Variants in ANK3 observed in about 807,000 individuals in gnomAD.
ANK3 encodes the protein ankyrin-3.
ANK3 carries 57 observed loss-of-function variants against 370.9 expected under a neutral mutation model. The observed-to-expected ratio is 0.15, with a 90% CI of 0.12 to 0.19. ANK3 has a LOEUF of 0.19. Ranked by LOEUF, ANK3 falls within the 10% of genes least tolerant of loss-of-function variation. ANK3 has a pLI of 1.00. For synonymous variants in ANK3, 1,929 were observed against 1,946.3 expected (o/e 0.99, Z 0.23); for missense variants, 4,439 against 5,302.1 (o/e 0.84, Z 5.06).
chr10:60,341,239 C>G (rs888533218), intron 1 of ANK3, among the ~76,000 whole-genome samples: 1 of 152,096 alleles, frequency 6.6e-6, no homozygotes, highest in East Asian at 1.9e-4. Context: ...TGAATCAAAG[C>G]CAGTAGGGAG....
At chr10:60,043,473 A>G in intron 42 of ANK3, 3 of 984,330 alleles carry the variant, frequency 3.0e-6, no homozygotes, top group Non-Finnish European at 3.6e-6. Context: ...AAAAATAACC[A>G]GAGATGTTTT....
chr10:60,145,899 A>C (rs1206821383), intron 23 of ANK3: 2 of 699,982 alleles, frequency 2.9e-6, no homozygotes, highest in African/African-American at 1.8e-5. Context: ...TGTGGAATGA[A>C]TGAAAGAGCA....
At chr10:60,324,601 T>A (rs574585169) in intron 1 of ANK3, among the ~76,000 whole-genome samples, 2 of 152,238 alleles carry the variant, frequency 1.3e-5, no homozygotes, top group South Asian at 4.1e-4. Context: ...AAATGGCCAG[T>A]CAGCTGCAGT....
intron 1 of ANK3, among the ~76,000 whole-genome samples, chr10:60,347,674 A>C (rs2055906699): frequency 6.6e-6 from 1 of 152,120 alleles, no homozygotes; most frequent in South Asian, 2.1e-4. Context: ...TACAATCATA[A>C]ATCTATTGCT....
chr10:60,669,412 C>T (rs535543208), intron 1 of ANK3, among the ~76,000 whole-genome samples: 1 of 152,174 alleles, frequency 6.6e-6, no homozygotes, highest in Non-Finnish European at 1.5e-5. Context: ...AGAAACACTC[C>T]AACTTTCAGA....
At chr10:60,401,487 G>A (rs1162988968) in intron 2 of ANK3, among the ~76,000 whole-genome samples, 1 of 152,164 alleles carries the variant, frequency 6.6e-6, no homozygotes, top group African/African-American at 2.4e-5. Context: ...TTTAAAAATT[G>A]TATTGCCACT....
chr10:60,063,575 C>G (rs1309810680), intron 39 of ANK3, among the ~76,000 whole-genome samples: 1 of 152,020 alleles, frequency 6.6e-6, no homozygotes, highest in Non-Finnish European at 1.5e-5. Context: ...AATAGGTCAC[C>G]CTCATATTTG....
At chr10:60,311,019 T>C (rs9645496) in intron 1 of ANK3, among the ~76,000 whole-genome samples, 88,336 of 151,972 alleles carry the variant, frequency 0.58, 26,257 homozygotes, top group South Asian at 0.78. Flanking sequence ...TGAAGGGGGA[T>C]TGGGGAGGAG....
Position 60,068,974 on chromosome 10 carries a change from GGTGGTGGTGGCA to G in ANK3, c.11895_11906del (p.Ala3966_Thr3969del), listed in dbSNP as rs2082170116. Reference sequence around the variant, plus strand: ...TGGTGGTGGTAGTGGTGGTAGTGGTGGTGGTGGTGGCAGTGGTGGTGGTGGTAGTGACACAGG... The same window carrying G: ...TGGTGGTGGTAGTGGTGGTAGTGGTGGTGGTGGTGGTGGTAGTGACACAGG... On this transcript the variant is annotated inframe_deletion, in exon 37 of 44. Coordinates refer to ENST00000280772, the MANE Select transcript of ANK3 (RefSeq NM_020987.5). 3.1e-6 allele frequency: 5 copies of G among 1,613,656 alleles called. No homozygotes were observed. The highest frequency in any genetic ancestry group is 3.4e-6 in the Non-Finnish European group (4 of 1,179,878).
chr10:60,297,905 C>A (rs2042886341), intron 1 of ANK3, among the ~76,000 whole-genome samples: 1 of 152,016 alleles, frequency 6.6e-6, no homozygotes, highest in African/African-American at 2.4e-5. Flanking sequence ...TATAAAATAT[C>A]CTACTTGCCC....
Position 60,055,751 on chromosome 10 carries a change from G to C in ANK3, c.12972C>G (p.Val4324=). ...AAGTCCTACTCATCTTTTTCATACTGACAGGCACACAGGGTTTAGTCTCTT... is the reference window on the plus strand; with the variant it reads ...AAGTCCTACTCATCTTTTTCATACTCACAGGCACACAGGGTTTAGTCTCTT... ...IIEETKPCVP[V]SMKKMSRTSP... Residue 4324 remains valine, a synonymous_variant, in exon 42 of 44, where the codon GTC becomes GTG. Coordinates refer to ENST00000280772, the MANE Select transcript of ANK3 (RefSeq NM_020987.5). The C allele has an allele frequency of 6.2e-7, 1 of 1,614,136 alleles. No individual in the cohort carries two copies.
chr10:60,124,023 G>A (rs980039178), intron 25 of ANK3, among the ~76,000 whole-genome samples: 2 of 152,178 alleles, frequency 1.3e-5, no homozygotes, highest in Admixed American at 6.5e-5. Context: ...GCATTAGGGT[G>A]ACAGGTAGAA....
In ANK3 at chr10:60,279,611, G is replaced by A; in HGVS notation, c.143C>T (p.Ala48Val). 1 of 1,610,858 alleles carries A rather than the reference G, an allele frequency of 6.2e-7. No individual in the cohort carries two copies. The highest frequency in any genetic ancestry group is 1.1e-5 in the South Asian group (1 of 90,138). Residue 48 changes from alanine to valine, a missense_variant, in exon 2 of 44, where the codon GCA (alanine) becomes GTA (valine). By Grantham distance (64) the Ala-to-Val change is moderately conservative. Transcript: ENST00000280772. ...CTTTTCAAGGTGTCCAGCTCGAGCT[G>A]CTCTTAAGTAACTTGCATTGGCATC... ...KSDANASYLR[A>V]ARAGHLEKAL...
intron 1 of ANK3, among the ~76,000 whole-genome samples, chr10:60,295,560 C>T (rs961200367): frequency 6.6e-6 from 1 of 152,064 alleles, no homozygotes; most frequent in South Asian, 2.1e-4. Context: ...ACCTCATTTG[C>T]CCAGTGCTTT....
At chr10:60,677,795 A>G (rs1183821697) in intron 1 of ANK3, among the ~76,000 whole-genome samples, 1 of 151,398 alleles carries the variant, frequency 6.6e-6, no homozygotes, top group East Asian at 1.9e-4. Flanking sequence ...AAAAAAAAAA[A>G]AAAAGAAAAG....
At chr10:60,375,329 C>A (rs529328889) in intron 1 of ANK3, among the ~76,000 whole-genome samples, 18 of 152,302 alleles carry the variant, frequency 1.2e-4, no homozygotes, top group Non-Finnish European at 2.4e-4. Context: ...GGTTTGCCTA[C>A]TTCTAATTGT....
chr10:60,217,540 G>A (rs565799227), intron 8 of ANK3, among the ~76,000 whole-genome samples: 1 of 152,258 alleles, frequency 6.6e-6, no homozygotes, highest in African/African-American at 2.4e-5. Flanking sequence ...TCAGGAGCAG[G>A]TTGTTCAATT....
At chr10:60,215,438 C>T (rs2096922288) in intron 8 of ANK3, among the ~76,000 whole-genome samples, 1 of 152,110 alleles carries the variant, frequency 6.6e-6, no homozygotes, top group African/African-American at 2.4e-5. Flanking sequence ...TTGCCCATGC[C>T]TACGTGCTGA....
chr10:60,461,504 G>A (rs1055807094), intron 2 of ANK3, among the ~76,000 whole-genome samples: 1 of 152,114 alleles, frequency 6.6e-6, no homozygotes, highest in African/African-American at 2.4e-5. Flanking sequence ...GGTGAATAAA[G>A]ACGGCCAGGG....
Sources: gnomAD v4.1 joint callset for allele counts (sites outside exome capture counted in the v4.1 genomes callset) on GRCh38, gnomAD v4.1.1 for gene constraint, MANE v1.5 for transcripts, NCBI Gene and HGNC (gene_info 2026-07-23, HGNC 2026-07-21) for gene names.